Variants in ANK3 observed in about 807,000 individuals in gnomAD.
The protein encoded by ANK3 is ankyrin 3.
Under a neutral mutation model 370.9 loss-of-function variants are expected in ANK3, and 57 were observed. That is an observed-to-expected ratio of 0.15 (90% confidence interval 0.12 to 0.19). The LOEUF is 0.19. Among genes scored for constraint, ANK3 ranks in the 10% least tolerant of loss-of-function variants. The pLI is 1.00. For missense variants in ANK3, 4,439 were observed against 5,302.1 expected (o/e 0.84, Z 5.06); for synonymous variants, 1,929 against 1,946.3 (o/e 0.99, Z 0.23).
At position 60,075,931 on chromosome 10, in the gene ANK3, G is replaced by A. The variant is rs745449555; in HGVS notation, c.4950C>T (p.Asn1650=). ...GCAAACTTGAGGAATACATATTAAT[G>A]TTTGATTTGGGGGAGGCAGGGGGTG... ...TMTPPASPKS[N]INMYSSSLPF... is the part of the protein sequence containing the mutation. Residue 1650 remains asparagine (N), a synonymous_variant, in exon 37 of 44, where the codon AAC becomes AAT. Coordinates refer to ENST00000280772, the MANE Select transcript of ANK3 (RefSeq NM_020987.5). The A allele has an allele frequency of 3.7e-6, 6 of 1,614,106 alleles. No individual in the cohort carries two copies. In the East Asian group the frequency reaches 1.3e-4, roughly 36 times the overall value.
At chr10:60,622,531 G>A (rs946043513) in intron 1 of ANK3, among the ~76,000 whole-genome samples, 10 of 152,128 alleles carry the variant, frequency 6.6e-5, no homozygotes, top group African/African-American at 2.4e-4. Context: ...GTGAGCCACC[G>A]TGCCCAGCTA....
intron 36 of ANK3, among the ~76,000 whole-genome samples, chr10:60,079,147 C>G (rs1207946063): frequency 7.1e-6 from 1 of 141,470 alleles, no homozygotes; most frequent in Non-Finnish European, 1.5e-5. Flanking sequence ...GTATTTAATT[C>G]TACTGGAAAC....
At chr10:60,325,446 TCCA>T (rs1271230927) in intron 1 of ANK3, among the ~76,000 whole-genome samples, 1 of 152,090 alleles carries the variant, frequency 6.6e-6, no homozygotes, top group Admixed American at 6.5e-5. Flanking sequence ...CCCCTGCCCC[TCCA>T]CCACCAACCC....
intron 2 of ANK3, among the ~76,000 whole-genome samples, chr10:60,612,901 T>C (rs541002350): frequency 7.9e-5 from 12 of 152,178 alleles, no homozygotes; most frequent in Non-Finnish European, 1.3e-4. Flanking sequence ...ATACCATATA[T>C]AAAAATTGCT....
At chr10:60,116,782 A>AC (rs918641850) in intron 25 of ANK3, among the ~76,000 whole-genome samples, 1 of 151,590 alleles carries the variant, frequency 6.6e-6, no homozygotes, top group Non-Finnish European at 1.5e-5. Flanking sequence ...TAGAAAGAAA[A>AC]AAAATTGTGA....
At chr10:60,204,345 A>T (rs577407530) in intron 11 of ANK3, among the ~76,000 whole-genome samples, 1 of 152,284 alleles carries the variant, frequency 6.6e-6, no homozygotes, top group South Asian at 2.1e-4. Flanking sequence ...TTACTCAAAC[A>T]TCAGCCAAGA....
At chr10:60,674,523 C>T (rs1382426334) in intron 1 of ANK3, among the ~76,000 whole-genome samples, 1 of 152,136 alleles carries the variant, frequency 6.6e-6, no homozygotes, top group African/African-American at 2.4e-5. Context: ...GGGGAGGACA[C>T]CAAGCCACTC....
intron 1 of ANK3, among the ~76,000 whole-genome samples, chr10:60,295,524 A>G (rs1027975220): frequency 6.6e-6 from 1 of 152,224 alleles, no homozygotes; most frequent in African/African-American, 2.4e-5. Flanking sequence ...TCAAACAAAC[A>G]TACAGGGACT....
intron 25 of ANK3, among the ~76,000 whole-genome samples, chr10:60,123,558 A>G (rs1443397776): frequency 2.0e-5 from 3 of 152,230 alleles, no homozygotes; most frequent in Non-Finnish European, 4.4e-5. Flanking sequence ...GTAATTCTCT[A>G]CGTTGCTGAC....
At chr10:60,652,161 C>T (rs971718445) in intron 1 of ANK3, among the ~76,000 whole-genome samples, 1 of 152,072 alleles carries the variant, frequency 6.6e-6, no homozygotes, top group Non-Finnish European at 1.5e-5. Flanking sequence ...GTAATGCCAG[C>T]ACTCAAGTAA....
Position 60,376,679 on chromosome 10 carries a change from A to G in ANK3, c.114+12746T>C, listed in dbSNP as rs147825794. Reference sequence around the variant, plus strand: ...TTGGCCAGGCCATGACCCAGTCAGCAGTGTAAACACATATTTTAAATGCAT... The same window carrying G: ...TTGGCCAGGCCATGACCCAGTCAGCGGTGTAAACACATATTTTAAATGCAT... On this transcript the variant is annotated intron_variant, in intron 1 of 43. Coordinates refer to ENST00000280772, the MANE Select transcript of ANK3 (RefSeq NM_020987.5). Among the ~76,000 whole-genome samples the G allele has an allele frequency of 2.6e-3, 392 of 152,338 alleles. 2 individuals are homozygous for G. The highest frequency in any genetic ancestry group is 0.02 in the Middle Eastern group (6 of 294).
At chr10:60,457,560 A>G (rs1466362982) in intron 2 of ANK3, among the ~76,000 whole-genome samples, 3 of 152,056 alleles carry the variant, frequency 2.0e-5, no homozygotes, top group Non-Finnish European at 4.4e-5. Flanking sequence ...ATGGAACCAA[A>G]AAAGGGGATT....
chr10:60,100,888 G>C (rs1197820649), intron 28 of ANK3, among the ~76,000 whole-genome samples: 2 of 152,038 alleles, frequency 1.3e-5, no homozygotes, highest in East Asian at 3.9e-4. Flanking sequence ...AATGTAAACT[G>C]GGTATGTAAT....
intron 23 of ANK3, among the ~76,000 whole-genome samples, chr10:60,163,069 C>T (rs2095537353): frequency 6.6e-6 from 1 of 152,066 alleles, no homozygotes; most frequent in Non-Finnish European, 1.5e-5. Context: ...ACCTTAATCT[C>T]AATTTTCCCT....
intron 2 of ANK3, among the ~76,000 whole-genome samples, chr10:60,447,365 T>C (rs1003878589): frequency 3.1e-4 from 47 of 152,006 alleles, no homozygotes; most frequent in Non-Finnish European, 5.7e-4. Context: ...AAGGCAAAAA[T>C]AGAACCATTT....
intron 23 of ANK3, among the ~76,000 whole-genome samples, chr10:60,143,648 C>T (rs935221312): frequency 1.3e-5 from 2 of 152,158 alleles, no homozygotes; most frequent in Non-Finnish European, 2.9e-5. Flanking sequence ...GGTAGCTCAT[C>T]TTTAAAATGC....
intron 2 of ANK3, among the ~76,000 whole-genome samples, chr10:60,561,557 C>A (rs1211988233): frequency 6.6e-6 from 1 of 152,178 alleles, no homozygotes; most frequent in Non-Finnish European, 1.5e-5. Flanking sequence ...GTATCCCCAG[C>A]TAACACCCTA....
chr10:60,184,566 A>G (rs1170775541), intron 17 of ANK3, among the ~76,000 whole-genome samples: 1 of 152,170 alleles, frequency 6.6e-6, no homozygotes, highest in East Asian at 1.9e-4. Context: ...CTTGTGTATC[A>G]TTTACTCAGG....
chr10:60,499,674 A>G (rs568509250), intron 2 of ANK3, among the ~76,000 whole-genome samples: 1 of 152,334 alleles, frequency 6.6e-6, no homozygotes, highest in East Asian at 1.9e-4. Context: ...CCAGACACTG[A>G]CAGGATCAGA....
Sources: gnomAD v4.1 joint callset for allele counts (sites outside exome capture counted in the v4.1 genomes callset) on GRCh38, gnomAD v4.1.1 for gene constraint, MANE v1.5 for transcripts, NCBI Gene and HGNC (gene_info 2026-07-23, HGNC 2026-07-21) for gene names.